The following SORCS3 variants were observed in gnomAD, a reference collection of about 807,000 sequenced individuals.
SORCS3 encodes sortilin related VPS10 domain containing receptor 3, also known as VPS10 domain-containing receptor SorCS3.
SORCS3 carries 57 observed loss-of-function variants against 146.3 expected under a neutral mutation model. That is an observed-to-expected ratio of 0.39 (90% CI 0.31 to 0.49). The LOEUF (loss-of-function observed/expected upper bound fraction) is 0.49, where lower values mean the gene tolerates loss of function less well. SORCS3 is among the 20% of genes least tolerant of loss of function. SORCS3 has a pLI of 0.92. For missense variants in SORCS3, 1,341 were observed against 1,575.5 expected, an observed-to-expected ratio of 0.85 and a Z score of 2.52; for synonymous variants, 653 against 618.5, an observed-to-expected ratio of 1.06 and a Z score of -0.83.
At chr10:104,823,810 A>T (rs2017903140) in intron 1 of SORCS3, among the ~76,000 whole-genome samples, 1 of 152,242 alleles carries the variant, frequency 6.6e-6, no homozygotes, top group Admixed American at 6.5e-5. Context: ...GTAGGTGGAA[A>T]TAAGGTAGCA....
chr10:105,057,928 C>G (rs939358565), intron 5 of SORCS3, among the ~76,000 whole-genome samples: 28 of 152,318 alleles, frequency 1.8e-4, no homozygotes, highest in African/African-American at 6.5e-4. Flanking sequence ...GACACGTTCT[C>G]CCCTTTTAGG....
intron 4 of SORCS3, among the ~76,000 whole-genome samples, chr10:105,041,035 T>A (rs1469422938): frequency 6.8e-6 from 1 of 146,628 alleles, no homozygotes; most frequent in East Asian, 1.9e-4. Context: ...TTATATACAT[T>A]TTTAGCATAT....
intron 1 of SORCS3, among the ~76,000 whole-genome samples, chr10:104,728,944 C>A (rs1238801545): frequency 1.3e-5 from 2 of 152,140 alleles, no homozygotes; most frequent in Non-Finnish European, 2.9e-5. Flanking sequence ...ACAATTACAT[C>A]CCAGGCCAGA....
chr10:104,804,559 G>A lies in SORCS3; in HGVS notation c.628-38233G>A, dbSNP rs150226099. On this transcript the variant is annotated intron_variant, in intron 1 of 26. Transcript: ENST00000369701. ...TGCATTGCAAAGATACAGAGGCCACGATAGAGGAAGTGACTCTACCACTGT... is the reference window on the plus strand; with the variant it reads ...TGCATTGCAAAGATACAGAGGCCACAATAGAGGAAGTGACTCTACCACTGT... Among the ~76,000 whole-genome samples the A allele has an allele frequency of 6.0e-3, 915 of 152,276 alleles. 17 individuals are homozygous for A. The highest frequency in any genetic ancestry group is 0.021 in the African/African-American group (855 of 41,562).
chr10:104,856,399 G>C (rs2133556946), intron 2 of SORCS3, among the ~76,000 whole-genome samples: 1 of 147,838 alleles, frequency 6.8e-6, no homozygotes, highest in Non-Finnish European at 1.5e-5. Flanking sequence ...AAGGGAGAGA[G>C]AGAGACCACT....
In SORCS3 at chr10:104,969,700, C is replaced by A. The variant is rs537433543; in HGVS notation, c.796-7635C>A. Among the ~76,000 whole-genome samples, 27 of 152,254 alleles carry A rather than the reference C, an allele frequency of 1.8e-4. 2 individuals carry two copies. In the South Asian group the frequency reaches 5.4e-3, roughly 30 times the overall value. ...ACAAAAGCTCCATAAAACTGCCACT[C>A]AATGTCAATATGCTTTATTATATAT... On this transcript the variant is annotated intron_variant, in intron 3 of 26. Transcript: ENST00000369701.
chr10:104,989,749 G>A (rs1436796353), intron 4 of SORCS3, among the ~76,000 whole-genome samples: 1 of 152,168 alleles, frequency 6.6e-6, no homozygotes, highest in Non-Finnish European at 1.5e-5. Context: ...AGAGCAAGGA[G>A]TTCAAGGATG....
At chr10:104,889,805 G>A (rs1418186118) in intron 2 of SORCS3, among the ~76,000 whole-genome samples, 2 of 152,070 alleles carry the variant, frequency 1.3e-5, no homozygotes, top group East Asian at 3.8e-4. Flanking sequence ...GGTGCTCTTT[G>A]TTTTGCGTAG....
intron 1 of SORCS3, among the ~76,000 whole-genome samples, chr10:104,737,603 T>C (rs1406669383): frequency 1.3e-5 from 2 of 152,240 alleles, no homozygotes; most frequent in African/African-American, 2.4e-5. Flanking sequence ...GTTCATATCC[T>C]TTGCCCACTT....
In SORCS3 at chr10:105,264,840, A is replaced by G. The variant is rs563925698; in HGVS notation, c.*1466A>G. 22 of 152,726 alleles carry G rather than the reference A, an allele frequency of 1.4e-4. No homozygotes were observed. The highest frequency in any genetic ancestry group is 4.1e-4 in the African/African-American group (17 of 41,568). The allele number at this position is 152,726 out of a possible 1,614,324, so 9.5% of individuals were successfully genotyped here. A position where few individuals can be genotyped will look rare whatever the true frequency, so the allele number is the denominator to read the frequency against. ...TGCTGTAAGCATTGTTTTTATTTTC[A>G]GGCTTAGCCTGAGCACACTTATTTT... On this transcript the variant is annotated 3_prime_UTR_variant, in exon 27 of 27. Transcript: ENST00000369701.
Position 104,860,738 on chromosome 10 carries a change from C to T in SORCS3, c.695+17879C>T, listed in dbSNP as rs544658681. ...GGTAAAAATAGGTAAACACTGTTATCCCCATTTTACAGCTGAAAAACCTGA... is the reference window on the plus strand; with the variant it reads ...GGTAAAAATAGGTAAACACTGTTATTCCCATTTTACAGCTGAAAAACCTGA... On this transcript the variant is annotated intron_variant, in intron 2 of 26. Transcript: ENST00000369701. Among the ~76,000 whole-genome samples the T allele has an allele frequency of 8.0e-4, 122 of 152,206 alleles. No homozygotes were observed. In the South Asian group the frequency reaches 0.016, roughly 19 times the overall value.
intron 1 of SORCS3, among the ~76,000 whole-genome samples, chr10:104,770,104 CT>C (rs2017229712): frequency 6.6e-6 from 1 of 152,126 alleles, no homozygotes; most frequent in African/African-American, 2.4e-5. Context: ...GGGCTGCAAC[CT>C]ACTCTCAAGG....
chr10:104,734,927 G>T (rs998790818), intron 1 of SORCS3, among the ~76,000 whole-genome samples: 4 of 151,926 alleles, frequency 2.6e-5, no homozygotes, highest in Non-Finnish European at 4.4e-5. Context: ...GTATGTGCAG[G>T]GCCTGTTATT....
chr10:104,848,904 A>T lies in SORCS3; in HGVS notation c.695+6045A>T, dbSNP rs568798318. On this transcript the variant is annotated intron_variant, in intron 2 of 26. Transcript: ENST00000369701. ...AACAACAGCAGGCATATGCAAGAAT[A>T]TATACATATCCACAGAATACAGTGC... is the stretch of plus-strand genomic sequence containing the variant. 1.3e-4 allele frequency among the ~76,000 whole-genome samples: 20 copies of T among 152,342 alleles called. No individual in the cohort carries two copies. In the South Asian group the frequency reaches 4.1e-3, roughly 32 times the overall value.
chr10:105,012,071 C>T (rs1240241155), intron 4 of SORCS3, among the ~76,000 whole-genome samples: 2 of 152,126 alleles, frequency 1.3e-5, no homozygotes, highest in African/African-American at 4.8e-5. Flanking sequence ...GCATAAGTTT[C>T]AGAGCATTCT....
intron 1 of SORCS3, among the ~76,000 whole-genome samples, chr10:104,797,377 C>T (rs1435567745): frequency 2.6e-5 from 4 of 152,084 alleles, no homozygotes; most frequent in Non-Finnish European, 5.9e-5. Context: ...CTTGGATGCC[C>T]ACCAAATAAA....
At chr10:104,815,512 C>CATTTAAAT (rs983732953) in intron 1 of SORCS3, among the ~76,000 whole-genome samples, 8 of 147,358 alleles carry the variant, frequency 5.4e-5, no homozygotes, top group Non-Finnish European at 1.2e-4. Context: ...TTATCGGGCA[C>CATTTAAAT]ATTTAAATAT....
chr10:105,072,814 A>G (rs906750043), intron 5 of SORCS3, among the ~76,000 whole-genome samples: 1 of 152,076 alleles, frequency 6.6e-6, no homozygotes, highest in Non-Finnish European at 1.5e-5. Flanking sequence ...TTGAGGATAC[A>G]TGACAATAAT....
At chr10:104,969,241 A>G (rs1167460197) in intron 3 of SORCS3, among the ~76,000 whole-genome samples, 1 of 151,862 alleles carries the variant, frequency 6.6e-6, no homozygotes, top group Non-Finnish European at 1.5e-5. Flanking sequence ...TCCTGTGGTC[A>G]GAAATTGAGA....
Sources: gnomAD v4.1 joint callset for allele counts (sites outside exome capture counted in the v4.1 genomes callset) on GRCh38, gnomAD v4.1.1 for gene constraint, MANE v1.5 for transcripts, NCBI Gene and HGNC (gene_info 2026-07-23, HGNC 2026-07-21) for gene names.